The following YAF2 variants were observed in gnomAD, a reference collection of about 807,000 sequenced individuals.
YAF2 encodes YY1-associated factor 2.
YAF2 carries 7 observed loss-of-function variants against 20.1 expected under a neutral mutation model. The observed-to-expected ratio is 0.35, with a 90% CI of 0.20 to 0.65. The LOEUF (loss-of-function observed/expected upper bound fraction) is 0.65, where lower values mean the gene tolerates loss of function less well. Among genes scored for constraint, YAF2 ranks in the 30% least tolerant of loss-of-function variants. YAF2 has a pLI of 0.69. For synonymous variants in YAF2, 74 were observed against 76.0 expected, an observed-to-expected ratio of 0.97 and a Z score of 0.14; for missense variants, 151 against 219.2, an observed-to-expected ratio of 0.69 and a Z score of 1.96.
At chr12:42,220,382 T>C (rs2067478589) in intron 2 of YAF2, among the ~76,000 whole-genome samples, 1 of 152,200 alleles carries the variant, frequency 6.6e-6, no homozygotes, top group African/African-American at 2.4e-5. Flanking sequence ...TACATTAGCA[T>C]TTAGAACAAT....
At position 42,237,754 on chromosome 12, in the gene YAF2, C is replaced by G. The variant is rs780764777; in HGVS notation, c.27-30G>C. 5 of 1,478,836 alleles carry G rather than the reference C, an allele frequency of 3.4e-6. No homozygotes were observed. The South Asian group carries it at 6.4e-5, about 19-fold the overall frequency. 91.6% of individuals were successfully genotyped at this position (1,478,836 alleles called of 1,614,324 possible). On this transcript the variant is annotated intron_variant, in intron 1 of 3. Coordinates refer to ENST00000534854, the MANE Select transcript of YAF2 (RefSeq NM_005748.6). ...AGGACACAACCCGGACACGACGCGG[C>G]GCGGGGTCACCAGCAGGCCGCGCCC...
chr12:42,162,976 G>A (rs375939291), intron 2 of YAF2, among the ~76,000 whole-genome samples: 4 of 152,242 alleles, frequency 2.6e-5, no homozygotes, highest in Admixed American at 6.5e-5. Context: ...AATGGCTGAG[G>A]TTAAAAAAGA....
At chr12:42,160,911 G>A in intron 3 of YAF2, 85 bp from the exon 4 acceptor site, 5 of 1,174,748 alleles carry the variant, frequency 4.3e-6, no homozygotes, top group Non-Finnish European at 6.0e-6. Flanking sequence ...AGTGGTAAAA[G>A]TAACAAAATG....
At chr12:42,161,058 T>C in intron 3 of YAF2, 2 of 504,342 alleles carry the variant, frequency 4.0e-6, no homozygotes, top group Non-Finnish European at 7.0e-6. Flanking sequence ...AGCCTAGAAG[T>C]AGAACTTGTG....
chr12:42,188,693 T>A (rs2066536841), intron 2 of YAF2, among the ~76,000 whole-genome samples: 1 of 152,092 alleles, frequency 6.6e-6, no homozygotes, highest in African/African-American at 2.4e-5. Flanking sequence ...GTCAGAATTT[T>A]TTTTTTTAAT....
intron 2 of YAF2, chr12:42,235,832 T>C: frequency 1.3e-6 from 2 of 1,536,084 alleles, no homozygotes; most frequent in Non-Finnish European, 1.7e-6. Flanking sequence ...TTCTCTGTCC[T>C]GGGCCAACTC....
At chr12:42,218,392 A>G (rs534559989) in intron 2 of YAF2, among the ~76,000 whole-genome samples, 2 of 152,242 alleles carry the variant, frequency 1.3e-5, no homozygotes, top group South Asian at 4.1e-4. Flanking sequence ...TTATATCTTC[A>G]TGACTGTTGT....
chr12:42,166,327 C>T (rs2065916533), intron 2 of YAF2, among the ~76,000 whole-genome samples: 1 of 152,202 alleles, frequency 6.6e-6, no homozygotes, highest in African/African-American at 2.4e-5. Context: ...CTTGAAGAGA[C>T]AGACATTCTC....
At chr12:42,167,548 C>G (rs2065944478) in intron 2 of YAF2, among the ~76,000 whole-genome samples, 1 of 152,062 alleles carries the variant, frequency 6.6e-6, no homozygotes, top group African/African-American at 2.4e-5. Context: ...AAAATTGGGT[C>G]CAACTTAAGA....
At chr12:42,223,333 C>CAT (rs1305706703) in intron 2 of YAF2, among the ~76,000 whole-genome samples, 1 of 130,922 alleles carries the variant, frequency 7.6e-6, no homozygotes. Context: ...AAAATACATA[C>CAT]ACACACACAC....
chr12:42,218,368 T>C (rs1394518487), intron 2 of YAF2, among the ~76,000 whole-genome samples: 1 of 152,182 alleles, frequency 6.6e-6, no homozygotes, highest in Non-Finnish European at 1.5e-5. Flanking sequence ...ATATGGTTTG[T>C]CTGCTCGTAA....
At chr12:42,220,227 G>A (rs2067474718) in intron 2 of YAF2, among the ~76,000 whole-genome samples, 1 of 152,020 alleles carries the variant, frequency 6.6e-6, no homozygotes, top group Admixed American at 6.6e-5. Context: ...ACTTCTGACT[G>A]GAATGATAAT....
intron 2 of YAF2, among the ~76,000 whole-genome samples, chr12:42,163,276 A>G (rs943285117): frequency 1.3e-5 from 2 of 152,236 alleles, no homozygotes; most frequent in Non-Finnish European, 2.9e-5. Flanking sequence ...CAAGCTGGAC[A>G]GATAAGAAGG....
chr12:42,177,935 T>C (rs1235128708), intron 2 of YAF2, among the ~76,000 whole-genome samples: 1 of 152,150 alleles, frequency 6.6e-6, no homozygotes, highest in African/African-American at 2.4e-5. Context: ...AGCACTTCTC[T>C]ACCTACTACA....
At chr12:42,224,728 A>G (rs10880273) in intron 2 of YAF2, among the ~76,000 whole-genome samples, 53,505 of 152,026 alleles carry the variant, frequency 0.35, 9,746 homozygotes, top group South Asian at 0.48. Flanking sequence ...ACAGCTGCAT[A>G]GTATTCCATG....
intron 2 of YAF2, among the ~76,000 whole-genome samples, chr12:42,170,906 T>C (rs1472572150): frequency 6.6e-6 from 1 of 152,222 alleles, no homozygotes; most frequent in Non-Finnish European, 1.5e-5. Flanking sequence ...AACATATTTC[T>C]TTCCCCTAAT....
intron 2 of YAF2, among the ~76,000 whole-genome samples, chr12:42,222,673 G>T (rs1165609447): frequency 6.6e-6 from 1 of 151,986 alleles, no homozygotes; most frequent in South Asian, 2.1e-4. Flanking sequence ...TTGTACTAGG[G>T]TTACATTATT....
intron 2 of YAF2, among the ~76,000 whole-genome samples, chr12:42,209,421 A>G (rs114977512): frequency 0.011 from 1,598 of 151,982 alleles, 29 homozygotes; most frequent in African/African-American, 0.037. Context: ...AAAATTAGTC[A>G]AGCATGGTGG....
intron 2 of YAF2, among the ~76,000 whole-genome samples, chr12:42,193,182 G>GCAAGCGCC (rs2066660488): frequency 6.6e-6 from 1 of 151,956 alleles, no homozygotes; most frequent in Admixed American, 6.5e-5. Flanking sequence ...GGGTGTGGTG[G>GCAAGCGCC]TGCATGCCTG....
Sources: allele counts gnomAD v4.1 joint callset (sites outside exome capture counted in the v4.1 genomes callset), GRCh38; gene constraint gnomAD v4.1.1; transcripts MANE v1.5; gene names NCBI Gene and HGNC (gene_info 2026-07-23, HGNC 2026-07-21).